PLEKHH2: variants seen among roughly 807,000 people sequenced by gnomAD.
The protein encoded by PLEKHH2 is pleckstrin homology domain-containing family H member 2.
Under a neutral mutation model 187.9 loss-of-function variants are expected in PLEKHH2, and 129 were observed. The ratio of observed to expected loss-of-function variants is 0.69; its 90% confidence interval spans 0.59 to 0.79. PLEKHH2 has a LOEUF of 0.79. Ranked by LOEUF, PLEKHH2 falls within the 30% of genes least tolerant of loss-of-function variation. PLEKHH2 has a pLI of 0.00. For missense variants in PLEKHH2, 2,076 were observed against 1,751.2 expected, an observed-to-expected ratio of 1.19 and a Z score of -3.31; for synonymous variants, 686 against 605.6, an observed-to-expected ratio of 1.13 and a Z score of -1.95.
intron 3 of PLEKHH2, among the ~76,000 whole-genome samples, chr2:43,689,829 C>G (rs942224583): frequency 6.6e-6 from 1 of 152,158 alleles, no homozygotes; most frequent in Non-Finnish European, 1.5e-5. Context: ...TAACAACTTC[C>G]AAATTGAATG....
At chr2:43,740,091 T>A (rs1428488420) in intron 20 of PLEKHH2, among the ~76,000 whole-genome samples, 1 of 152,202 alleles carries the variant, frequency 6.6e-6, no homozygotes, top group African/African-American at 2.4e-5. Context: ...GGCTGAAAAT[T>A]ATACATAGGA....
chr2:43,694,368 G>T, intron 4 of PLEKHH2, 63 bp from the exon 5 acceptor site: 1 of 1,477,286 alleles, frequency 6.8e-7, no homozygotes, highest in Non-Finnish European at 9.1e-7. Context: ...TATATTTATG[G>T]TAAAACATTT....
intron 15 of PLEKHH2, among the ~76,000 whole-genome samples, chr2:43,717,390 A>C (rs1558552634): frequency 6.6e-6 from 1 of 151,368 alleles, no homozygotes; most frequent in Non-Finnish European, 1.5e-5. Flanking sequence ...TGTGCTTCAG[A>C]CTGGGCAACT....
chr2:43,682,841 C>T (rs62136370), intron 3 of PLEKHH2, among the ~76,000 whole-genome samples: 25,713 of 152,020 alleles, frequency 0.17, 2,256 homozygotes, highest in Middle Eastern at 0.25. Context: ...TCTTTAGTGT[C>T]TGGCTTCTTT....
At chr2:43,676,994 A>T (rs1164007877) in intron 2 of PLEKHH2, among the ~76,000 whole-genome samples, 1 of 152,098 alleles carries the variant, frequency 6.6e-6, no homozygotes, top group African/African-American at 2.4e-5. Context: ...AATATATGTT[A>T]ATCCATAATT....
At chr2:43,760,073 G>A (rs572756148) in intron 27 of PLEKHH2, among the ~76,000 whole-genome samples, 1 of 152,050 alleles carries the variant, frequency 6.6e-6, no homozygotes, top group African/African-American at 2.4e-5. Context: ...GAAGTTGAAC[G>A]TTACTTTTTA....
intron 24 of PLEKHH2, among the ~76,000 whole-genome samples, chr2:43,751,288 C>T (rs746805927): frequency 7.2e-5 from 11 of 152,098 alleles, no homozygotes; most frequent in East Asian, 1.9e-4. Context: ...GGAAGTTGGA[C>T]GCCACTGAGG....
chr2:43,656,316 A>G (rs1666756917), intron 2 of PLEKHH2, among the ~76,000 whole-genome samples: 1 of 152,182 alleles, frequency 6.6e-6, no homozygotes, highest in Non-Finnish European at 1.5e-5. Context: ...TCTGTGTAAT[A>G]CATTTATTTT....
At position 43,699,643 on chromosome 2, in the gene PLEKHH2, C is replaced by T; in HGVS notation, c.689-4C>T. ...GCATGCTGATATGATGTATCCTTTT[C>T]TAGAAATGGAAATTCCAGAAAAGTC... On this transcript the variant is annotated splice_region_variant and splice_polypyrimidine_tract_variant and intron_variant, in intron 7 of 29. Coordinates refer to ENST00000282406, the MANE Select transcript of PLEKHH2 (RefSeq NM_172069.4). 6.2e-7 allele frequency: 1 copy of T among 1,609,266 alleles called. No individual in the cohort carries two copies. The highest frequency in any genetic ancestry group is 8.5e-7 in the Non-Finnish European group (1 of 1,177,702).
intron 2 of PLEKHH2, among the ~76,000 whole-genome samples, chr2:43,671,052 C>T (rs973004762): frequency 2.0e-5 from 3 of 151,050 alleles, no homozygotes; most frequent in Admixed American, 6.6e-5. Flanking sequence ...TGCGTAATCT[C>T]GGCTCACTGC....
chr2:43,710,110 G>A lies in PLEKHH2; in HGVS notation c.2087G>A (p.Ser696Asn). The change falls in exon 12 of 30, where the codon AGT becomes AAT. Residue 696 changes from serine to asparagine, a missense_variant. Physicochemically the swap from Ser to Asn is conservative, Grantham distance 46 (BLOSUM62 1). Transcript: ENST00000282406. Reference sequence around the variant, plus strand: ...CTCCCAAAAACTTGCTCATCTTCCAGTGATAATGGGAAAAATGTAAATATT... The same window carrying A: ...CTCCCAAAAACTTGCTCATCTTCCAATGATAATGGGAAAAATGTAAATATT... ...QKLPKTCSSS[S>N]DNGKNEPLEK... 6.2e-7 allele frequency: 1 copy of A among 1,612,798 alleles called. No homozygotes were observed. Among genetic ancestry groups the A allele is most frequent in the Non-Finnish European group, 8.5e-7 (1 of 1,179,670 alleles).
intron 23 of PLEKHH2, among the ~76,000 whole-genome samples, chr2:43,744,867 C>CAAAAAA (rs774106764): frequency 6.3e-3 from 497 of 78,316 alleles, no homozygotes; most frequent in Non-Finnish European, 8.2e-3. Context: ...GACTGTCTCA[C>CAAAAAA]AAAAAAAAAA....
chr2:43,705,901 C>T (rs2104504137), intron 9 of PLEKHH2, among the ~76,000 whole-genome samples: 1 of 152,240 alleles, frequency 6.6e-6, no homozygotes, highest in African/African-American at 2.4e-5. Context: ...AACCACCATG[C>T]CCCACCAGAA....
chr2:43,757,489 G>A (rs1348390228), intron 26 of PLEKHH2, among the ~76,000 whole-genome samples: 6 of 147,358 alleles, frequency 4.1e-5, no homozygotes, highest in East Asian at 2.0e-4. Context: ...GCCCAATCTC[G>A]GCTCACTGCA....
rs773531549 is a variant in PLEKHH2, at chr2:43,692,651, A to T, written c.324A>T (p.Gln108His). Residue 108 changes from glutamine (Q) to histidine (H), a missense_variant, in exon 4 of 30, where the codon CAA becomes CAT. Physicochemically the swap from Gln to His is conservative, Grantham distance 24. Coordinates refer to ENST00000282406, the MANE Select transcript of PLEKHH2 (RefSeq NM_172069.4). ...KDDVIQNLEL[Q>H]LEEQKQIRIQ... ...ACGTCATTCAAAACTTGGAATTGCA[A>T]CTTGAAGAGCAGGTTAGGAAGAATT... 1 of 1,613,276 alleles carries T rather than the reference A, an allele frequency of 6.2e-7. No homozygotes were observed. The highest frequency in any genetic ancestry group is 8.5e-7 in the Non-Finnish European group (1 of 1,179,626).
intron 7 of PLEKHH2, among the ~76,000 whole-genome samples, chr2:43,697,912 G>T (rs1035801327): frequency 3.9e-5 from 6 of 151,974 alleles, no homozygotes; most frequent in African/African-American, 1.5e-4. Flanking sequence ...CCCTGGTCCT[G>T]TATACAGATT....
At chr2:43,697,825 C>T (rs1669162102) in intron 7 of PLEKHH2, among the ~76,000 whole-genome samples, 1 of 151,980 alleles carries the variant, frequency 6.6e-6, no homozygotes, top group Non-Finnish European at 1.5e-5. Flanking sequence ...AAGAAAAAAA[C>T]CCTAGGGGAT....
In PLEKHH2 at chr2:43,765,836, TTCA is replaced by T. The variant is rs1672602096; in HGVS notation, c.*243_*245del. On this transcript the variant is annotated 3_prime_UTR_variant, in exon 30 of 30. Transcript: ENST00000282406. ...TTCTTATAGAGTAAATGAGTAAGAA[TTCA>T]TCATTTTTTCCATCTCCCTTCTCCC... 1 of 380,368 alleles carries T rather than the reference TTCA, an allele frequency of 2.6e-6. No individual in the cohort carries two copies. Among genetic ancestry groups the T allele is most frequent in the South Asian group, 1.1e-4 (1 of 8,746 alleles). The allele number at this position is 380,368 out of a possible 1,614,324, so 23.6% of individuals were successfully genotyped here. A position where few individuals can be genotyped will look rare whatever the true frequency, so the allele number is the denominator to read the frequency against.
At chr2:43,698,087 C>T (rs1195103914) in intron 7 of PLEKHH2, among the ~76,000 whole-genome samples, 1 of 152,200 alleles carries the variant, frequency 6.6e-6, no homozygotes, top group African/African-American at 2.4e-5. Context: ...ATCCTCTCTA[C>T]TTTCAGCTCC....
Sources: allele counts gnomAD v4.1 joint callset (sites outside exome capture counted in the v4.1 genomes callset), GRCh38; gene constraint gnomAD v4.1.1; transcripts MANE v1.5; gene names NCBI Gene and HGNC (gene_info 2026-07-23, HGNC 2026-07-21).